LMO7: variants seen among roughly 807,000 people sequenced by gnomAD.
LMO7 encodes the protein LIM domain only protein 7.
In LMO7, 120 loss-of-function variants were observed where a neutral mutation model predicts 206.5. The observed-to-expected ratio is 0.58, with a 90% CI of 0.50 to 0.68. The LOEUF (loss-of-function observed/expected upper bound fraction) is 0.68. Ranked by LOEUF, LMO7 falls within the 30% of genes least tolerant of loss-of-function variation. The pLI is 0.00. For missense variants in LMO7, 1,959 were observed against 1,957.9 expected (o/e 1.00, Z -0.01); for synonymous variants, 706 against 681.5 (o/e 1.04, Z -0.56).
chr13:75,840,522 G>T (rs1431134427), intron 22 of LMO7, 27 bp downstream of exon 22: 1 of 1,609,636 alleles, frequency 6.2e-7, no homozygotes, highest in South Asian at 1.1e-5. Context: ...TGGACGGGTA[G>T]AAACTAGGTT....
rs1274452170 is a variant in LMO7, at chr13:75,858,040, T to C, written c.*97T>C. On this transcript the variant is annotated 3_prime_UTR_variant, in exon 31 of 31. Coordinates refer to ENST00000377534, the MANE Select transcript of LMO7 (RefSeq NM_001306080.2). Reference sequence around the variant, plus strand: ...TATGTGTTGTATGTCTTTTTTGCTTTTTTTTTAAAAAAAAGAATAACTTTT... The same window carrying C: ...TATGTGTTGTATGTCTTTTTTGCTTCTTTTTTAAAAAAAAGAATAACTTTT... The C allele has an allele frequency of 1.4e-6, 2 of 1,463,236 alleles. No homozygotes were observed. Among genetic ancestry groups the C allele is most frequent in the African/African-American group, 1.4e-5 (1 of 69,474 alleles). The allele number at this position is 1,463,236 out of a possible 1,614,324, so 90.6% of individuals were successfully genotyped here.
chr13:75,833,916 T>G lies in LMO7; in HGVS notation c.3065-310T>G, dbSNP rs147618960. On this transcript the variant is annotated intron_variant, in intron 16 of 30. Transcript: ENST00000377534. ...AAGCTCAATTAAAATGCAGTATGTT[T>G]CATATTTCAAATTTAAGAGTAACTT... is the stretch of plus-strand genomic sequence containing the variant. Among the ~76,000 whole-genome samples the G allele has an allele frequency of 2.6e-5, 4 of 152,268 alleles. No homozygotes were observed. The East Asian group carries it at 5.8e-4, about 22-fold the overall frequency.
chr13:75,691,115 T>G (rs9565183), intron 1 of LMO7, among the ~76,000 whole-genome samples: 9,599 of 152,240 alleles, frequency 0.063, 610 homozygotes, highest in African/African-American at 0.16. Context: ...TAAGTCCAAT[T>G]GGAGTGTACT....
intron 3 of LMO7, among the ~76,000 whole-genome samples, chr13:75,757,124 G>T (rs532499760): frequency 1.3e-5 from 2 of 152,142 alleles, no homozygotes; most frequent in African/African-American, 4.8e-5. Context: ...CTTGGATCAC[G>T]GGCTCTATCA....
chr13:75,663,579 C>T (rs1328592125), intron 1 of LMO7, among the ~76,000 whole-genome samples: 4 of 151,720 alleles, frequency 2.6e-5, no homozygotes, highest in East Asian at 1.9e-4. Context: ...TACAGGCTCC[C>T]GCCACTACAC....
At chr13:75,836,354 T>C (rs2059123471) in intron 18 of LMO7, 43 bp from the exon 19 acceptor site, 2 of 1,105,104 alleles carry the variant, frequency 1.8e-6, no homozygotes, top group East Asian at 5.1e-5. Context: ...AAGGCCAAAG[T>C]CCAACTGGAG....
intron 1 of LMO7, among the ~76,000 whole-genome samples, chr13:75,657,228 G>T (rs904997957): frequency 2.7e-4 from 41 of 152,158 alleles, no homozygotes; most frequent in Non-Finnish European, 2.6e-4. Flanking sequence ...TGGCCATGCT[G>T]ACACCTTGAT....
chr13:75,848,521 G>T (rs573280109), intron 26 of LMO7, among the ~76,000 whole-genome samples: 2 of 152,180 alleles, frequency 1.3e-5, no homozygotes, highest in East Asian at 3.9e-4. Context: ...ATTTGGGTTG[G>T]TTCCACATTT....
intron 2 of LMO7, among the ~76,000 whole-genome samples, chr13:75,714,934 G>C (rs1296072806): frequency 1.3e-5 from 2 of 151,912 alleles, no homozygotes; most frequent in Admixed American, 6.6e-5. Context: ...GTCTAAATAG[G>C]AATTGGGTAG....
intron 4 of LMO7, among the ~76,000 whole-genome samples, chr13:75,789,333 G>T (rs1046635149): frequency 2.0e-5 from 3 of 152,118 alleles, no homozygotes; most frequent in Non-Finnish European, 4.4e-5. Flanking sequence ...CAACTCCTAG[G>T]AGGTTATGTT....
intron 25 of LMO7, among the ~76,000 whole-genome samples, chr13:75,843,164 G>A (rs565965884): frequency 6.6e-6 from 1 of 152,314 alleles, no homozygotes; most frequent in African/African-American, 2.4e-5. Flanking sequence ...CCTTTTAGTT[G>A]ACTGGGCTTG....
chr13:75,784,282 A>G (rs1441504508), intron 4 of LMO7, among the ~76,000 whole-genome samples: 2 of 152,174 alleles, frequency 1.3e-5, no homozygotes. Flanking sequence ...TCAAATTGTG[A>G]AAAATTTAGT....
intron 1 of LMO7, among the ~76,000 whole-genome samples, chr13:75,703,164 C>T (rs1310124604): frequency 2.0e-5 from 3 of 152,186 alleles, no homozygotes; most frequent in South Asian, 4.1e-4. Flanking sequence ...CCCCCCAACA[C>T]ACACCTGAAA....
At position 75,626,595 on chromosome 13, in the gene LMO7, A is replaced by ATATATATATATATATATATTTTTTT; in HGVS notation, c.225+3276_225+3277insATATATATATATATATATTTTTTTT. ...ATATATATTATATATATATATATAA[A>ATATATATATATATATATATTTTTTT]TTTTTTTGAGACAGGGTCTCACTCT... On this transcript the variant is annotated intron_variant, in intron 2 of 29. Coordinates refer to the LMO7 transcript ENST00000341547. Among the ~76,000 whole-genome samples the ATATATATATATATATATATTTTTTT allele has an allele frequency of 9.0e-4, 64 of 71,108 alleles. 2 individuals are homozygous for ATATATATATATATATATATTTTTTT. Among genetic ancestry groups the ATATATATATATATATATATTTTTTT allele is most frequent in the Non-Finnish European group, 1.8e-3 (50 of 27,554 alleles). The allele number at this position is 71,108 out of a possible 152,430, so 46.6% of individuals were successfully genotyped here.
intron 25 of LMO7, among the ~76,000 whole-genome samples, chr13:75,843,742 C>G (rs2059739514): frequency 6.6e-6 from 1 of 152,194 alleles, no homozygotes; most frequent in Non-Finnish European, 1.5e-5. Context: ...TTTGAAATCA[C>G]TAAGGACTTC....
intron 1 of LMO7, among the ~76,000 whole-genome samples, chr13:75,638,015 GA>G (rs1165987188): frequency 4.6e-5 from 7 of 152,190 alleles, no homozygotes; most frequent in Admixed American, 6.5e-5. Context: ...ATAGTTAAGA[GA>G]AATAACTTCC....
chr13:75,641,977 G>A (rs2036583456), intron 1 of LMO7, among the ~76,000 whole-genome samples: 1 of 152,064 alleles, frequency 6.6e-6, no homozygotes, highest in Non-Finnish European at 1.5e-5. Context: ...TTTTCTTTAT[G>A]CAGTGTTTTA....
intron 2 of LMO7, 134 bp from the exon 3 acceptor site, chr13:75,726,895 T>A (rs1237981184): frequency 6.2e-6 from 4 of 648,944 alleles, no homozygotes; most frequent in Non-Finnish European, 1.1e-5. Context: ...GGTTATTTGC[T>A]TTTTGATGGG....
intron 3 of LMO7, among the ~76,000 whole-genome samples, chr13:75,750,025 C>T (rs565556782): frequency 1.3e-5 from 2 of 151,566 alleles, no homozygotes; most frequent in East Asian, 1.9e-4. Flanking sequence ...TTAGTTATAC[C>T]ATAACAAGCG....
Sources: allele counts gnomAD v4.1 joint callset (sites outside exome capture counted in the v4.1 genomes callset), GRCh38; gene constraint gnomAD v4.1.1; transcripts MANE v1.5; gene names NCBI Gene and HGNC (gene_info 2026-07-23, HGNC 2026-07-21).